The following LINGO2 variants were observed in gnomAD, a reference collection of about 807,000 sequenced individuals.
LINGO2 encodes the protein leucine-rich repeat and immunoglobulin-like domain-containing nogo receptor-interacting protein 2.
In LINGO2, 14 loss-of-function variants were observed where a neutral mutation model predicts 30.6. That is an observed-to-expected ratio of 0.46 (90% CI 0.30 to 0.72). LINGO2 has a LOEUF of 0.72. LINGO2 is among the 30% of genes least tolerant of loss of function. The pLI is 0.07. For missense variants in LINGO2, 729 were observed against 751.7 expected (o/e 0.97, Z 0.35); for synonymous variants, 317 against 288.5 (o/e 1.10, Z -1.00).
At chr9:28,719,219 A>G in the LINGO2 span, among the ~76,000 whole-genome samples, 2 of 151,858 alleles carry the variant, frequency 1.3e-5, no homozygotes, top group Non-Finnish European at 2.9e-5. Context: ...CCTTGATTCT[A>G]CCCGTTTGTG....
In LINGO2 at chr9:28,351,703, A is replaced by C. The variant is rs1157646866; in HGVS notation, c.-246+21133T>G. On this transcript the variant is annotated intron_variant, in intron 3 of 5. Transcript: ENST00000379992. Reference sequence around the variant, plus strand: ...CCAGGCAGAGACACAACAAAAAAAGAGAATTTTAGACCAATATCCTTGATG... The same window carrying C: ...CCAGGCAGAGACACAACAAAAAAAGCGAATTTTAGACCAATATCCTTGATG... Among the ~76,000 whole-genome samples the C allele has an allele frequency of 3.3e-5, 5 of 151,876 alleles. No individual in the cohort carries two copies. In the East Asian group the frequency reaches 9.7e-4, roughly 30 times the overall value.
the LINGO2 span, among the ~76,000 whole-genome samples, chr9:28,681,819 A>G: frequency 6.6e-6 from 1 of 152,186 alleles, no homozygotes; most frequent in African/African-American, 2.4e-5. Flanking sequence ...AAAAATCTAC[A>G]GCAGAGAATA....
the LINGO2 span, among the ~76,000 whole-genome samples, chr9:28,933,829 C>A: frequency 1.3e-4 from 20 of 152,188 alleles, 1 homozygote; most frequent in East Asian, 1.7e-3. Flanking sequence ...CAAGGATAAT[C>A]ATTTCAAAAC....
rs113699363 is a variant in LINGO2 at position 28,164,777 on chromosome 9, G to A, written c.-87+130431C>T. Among the ~76,000 whole-genome samples the A allele has an allele frequency of 7.4e-3, 1,123 of 152,174 alleles. 21 individuals are homozygous for A. The highest frequency in any genetic ancestry group is 0.024 in the African/African-American group (985 of 41,518). On this transcript the variant is annotated intron_variant, in intron 4 of 5. Coordinates refer to ENST00000379992, the Ensembl canonical transcript of LINGO2. ...CAGGGTAAGTTATTGGTGTCTTCCCGGTTGGTTCCAGCCCCCATTCTTGAA... is the reference window on the plus strand; with the variant it reads ...CAGGGTAAGTTATTGGTGTCTTCCCAGTTGGTTCCAGCCCCCATTCTTGAA...
the LINGO2 span, among the ~76,000 whole-genome samples, chr9:29,135,905 T>C: frequency 6.6e-6 from 1 of 152,282 alleles, no homozygotes; most frequent in South Asian, 2.1e-4. Context: ...TTATTTCCCT[T>C]AGCATAATGT....
At chr9:28,235,733 G>A (rs1821538768) in intron 4 of LINGO2, among the ~76,000 whole-genome samples, 1 of 152,088 alleles carries the variant, frequency 6.6e-6, no homozygotes, top group Non-Finnish European at 1.5e-5. Flanking sequence ...TAGCAGAAAT[G>A]ATCAAGCAGA....
At chr9:29,003,353 A>G in the LINGO2 span, among the ~76,000 whole-genome samples, 1 of 152,048 alleles carries the variant, frequency 6.6e-6, no homozygotes, top group South Asian at 2.1e-4. Context: ...ATGGTTCTGT[A>G]GTATGTGTGG....
chr9:28,087,082 A>G (rs1434276538), intron 4 of LINGO2, among the ~76,000 whole-genome samples: 1 of 152,086 alleles, frequency 6.6e-6, no homozygotes, highest in African/African-American at 2.4e-5. Context: ...AGTCCAGACT[A>G]GCTTTTTGAA....
At chr9:28,237,385 A>G (rs1210200352) in intron 4 of LINGO2, among the ~76,000 whole-genome samples, 4 of 152,128 alleles carry the variant, frequency 2.6e-5, no homozygotes, top group Non-Finnish European at 4.4e-5. Context: ...TAAGGAAGAG[A>G]AGACCACAAA....
intron 4 of LINGO2, among the ~76,000 whole-genome samples, chr9:28,175,885 C>A (rs1420838790): frequency 6.6e-6 from 1 of 152,182 alleles, no homozygotes; most frequent in African/African-American, 2.4e-5. Context: ...GAAGCTCGTT[C>A]TCTGATCTTG....
the LINGO2 span, among the ~76,000 whole-genome samples, chr9:29,116,514 T>C: frequency 6.6e-6 from 1 of 152,138 alleles, no homozygotes; most frequent in East Asian, 1.9e-4. Flanking sequence ...TTCTTTTCAT[T>C]CACTGCAAGG....
At chr9:28,830,757 T>TAC in the LINGO2 span, among the ~76,000 whole-genome samples, 186 of 151,288 alleles carry the variant, frequency 1.2e-3, no homozygotes, top group East Asian at 4.9e-3. Flanking sequence ...CTTGCCCCTA[T>TAC]ACACACACAC....
At chr9:28,599,461 G>A (rs895704442) in intron 1 of LINGO2, among the ~76,000 whole-genome samples, 26 of 152,056 alleles carry the variant, frequency 1.7e-4, no homozygotes, top group African/African-American at 6.3e-4. Flanking sequence ...ATTGTTGGTG[G>A]CTTGTTAAAT....
chr9:27,975,708 G>C (rs1414313944), intron 5 of LINGO2, among the ~76,000 whole-genome samples: 1 of 151,952 alleles, frequency 6.6e-6, no homozygotes, highest in Non-Finnish European at 1.5e-5. Context: ...CCTTGTTATT[G>C]GTTCAAAACA....
chr9:29,033,783 CA>C, the LINGO2 span, among the ~76,000 whole-genome samples: 4 of 151,930 alleles, frequency 2.6e-5, no homozygotes, highest in Non-Finnish European at 5.9e-5. Flanking sequence ...GAGATCTTAA[CA>C]TATGTCATAT....
At chr9:28,036,700 G>A (rs951394150) in intron 4 of LINGO2, among the ~76,000 whole-genome samples, 5 of 152,206 alleles carry the variant, frequency 3.3e-5, no homozygotes, top group African/African-American at 1.2e-4. Flanking sequence ...ATGGAGGACA[G>A]TAGTTCATTT....
At chr9:28,848,178 C>CTATATAT in the LINGO2 span, among the ~76,000 whole-genome samples, 266 of 84,678 alleles carry the variant, frequency 3.1e-3, 2 homozygotes, top group Non-Finnish European at 4.9e-3. Context: ...TGTATATATA[C>CTATATAT]ACACTATATA....
At chr9:28,007,064 C>T (rs1822303430) in intron 5 of LINGO2, among the ~76,000 whole-genome samples, 1 of 152,116 alleles carries the variant, frequency 6.6e-6, no homozygotes, top group Non-Finnish European at 1.5e-5. Context: ...TGTTAGTTTG[C>T]TTTTAAGCTG....
chr9:29,059,379 T>C, the LINGO2 span, among the ~76,000 whole-genome samples: 1 of 150,906 alleles, frequency 6.6e-6, no homozygotes, highest in Admixed American at 6.6e-5. Flanking sequence ...TCCAGAAATA[T>C]ATATACCTAC....
Sources: allele counts gnomAD v4.1 joint callset (sites outside exome capture counted in the v4.1 genomes callset), GRCh38; gene constraint gnomAD v4.1.1; transcripts MANE v1.5; gene names NCBI Gene and HGNC (gene_info 2026-07-23, HGNC 2026-07-21).